The following PANK2 variants were observed in gnomAD, a reference collection of about 807,000 sequenced individuals.
The protein encoded by PANK2 is pantothenate kinase 2, also known as pantothenate kinase 2, mitochondrial.
A neutral mutation model predicts 43.1 loss-of-function variants in PANK2; 36 were observed. The ratio of observed to expected loss-of-function variants is 0.84; its 90% confidence interval spans 0.64 to 1.10. The LOEUF is 1.10. Ranked by LOEUF, PANK2 falls within the 50% of genes least tolerant of loss-of-function variation. The pLI, the probability that PANK2 is intolerant of heterozygous loss-of-function variation, is 0.00. For missense variants in PANK2, 576 were observed against 593.3 expected (o/e 0.97, Z 0.30); for synonymous variants, 281 against 238.2 (o/e 1.18, Z -1.66).
intron 6 of PANK2, chr20:3,921,404 C>T (rs942966868): frequency 6.6e-6 from 1 of 152,114 alleles, no homozygotes; most frequent in Non-Finnish European, 1.5e-5. Flanking sequence ...ATCCTTTATT[C>T]TCATCTTAGC....
intron 1 of PANK2, among the ~76,000 whole-genome samples, chr20:3,902,051 A>C (rs146596959): frequency 1.3e-5 from 2 of 151,840 alleles, no homozygotes; most frequent in Non-Finnish European, 2.9e-5. Flanking sequence ...ACCGATAAAC[A>C]CTGTTCAGCC....
rs1684993927 is a variant in PANK2, at chr20:3,927,121, CTT to C, written c.*3828_*3829del. On this transcript the variant is annotated 3_prime_UTR_variant, in exon 7 of 7. Transcript: ENST00000610179. Reference sequence around the variant, plus strand: ...TCTGGCTGTGGTGGCCTGACACACTCTTCACCACTGACCCCACCCCCGCTTGC... The same window carrying C: ...TCTGGCTGTGGTGGCCTGACACACTCCACCACTGACCCCACCCCCGCTTGC... Among the ~76,000 whole-genome samples the C allele has an allele frequency of 6.6e-6, 1 of 152,046 alleles. No individual in the cohort carries two copies. The highest frequency in any genetic ancestry group is 2.4e-5 in the African/African-American group (1 of 41,390).
At position 3,928,872 on chromosome 20, in the gene PANK2, A is replaced by G. The variant is rs1053177160; in HGVS notation, c.*5578A>G. ...TTCTTTTCTTGTGTGTTTTTTTGAGACGGAGTCTCGCTCTGTTGCCCAGGC... is the reference window on the plus strand; with the variant it reads ...TTCTTTTCTTGTGTGTTTTTTTGAGGCGGAGTCTCGCTCTGTTGCCCAGGC... On this transcript the variant is annotated 3_prime_UTR_variant, in exon 7 of 7. Transcript: ENST00000610179. 1 of 148,940 alleles carries G rather than the reference A, an allele frequency of 6.7e-6. No individual in the cohort carries two copies. Among genetic ancestry groups the G allele is most frequent in the Non-Finnish European group, 1.5e-5 (1 of 67,370 alleles). The allele number at this position is 148,940 out of a possible 1,614,324, so 9.2% of individuals were successfully genotyped here.
chr20:3,894,504 T>TG (rs1423591535), intron 1 of PANK2, among the ~76,000 whole-genome samples: 2 of 152,110 alleles, frequency 1.3e-5, no homozygotes, highest in Non-Finnish European at 2.9e-5. Flanking sequence ...CCTCCCAAAG[T>TG]GCTGGGATTA....
Position 3,919,886 on chromosome 20 carries a change from GTTAC to G in PANK2, c.1332+1093_1332+1096del, listed in dbSNP as rs1290452220. On this transcript the variant is annotated intron_variant, in intron 6 of 6. Coordinates refer to ENST00000610179, the MANE Select transcript of PANK2 (RefSeq NM_001386393.1). ...GCTAGAGATTACTTTTTCCTTTAAA[GTTAC>G]TTTAAGTTTTTCTTTTTAAATTGCT... is the stretch of plus-strand genomic sequence containing the variant. Among the ~76,000 whole-genome samples, 5 of 152,292 alleles carry G rather than the reference GTTAC, an allele frequency of 3.3e-5. No homozygotes were observed. In the East Asian group the frequency reaches 9.6e-4, roughly 29 times the overall value.
At chr20:3,903,466 C>CTTTTTTTTTTTTTTTTTT (rs1258746977) in intron 1 of PANK2, among the ~76,000 whole-genome samples, 1 of 117,486 alleles carries the variant, frequency 8.5e-6, no homozygotes. Flanking sequence ...TCTTCTTTTC[C>CTTTTTTTTTTTTTTTTTT]TTTTTTTTTT....
Position 3,908,245 on chromosome 20 carries a change from T to C in PANK2, c.618T>C (p.Gly206=). ...ACACTGTCTTTTGTGCCACTGGAGG[T>C]GGAGCGTACAAATTTGAGCAGGATT... The change falls in exon 2 of 7, where the codon GGT becomes GGC. Residue 206 remains glycine (G), a synonymous_variant. Transcript: ENST00000610179. 2 of 1,611,158 alleles carry C rather than the reference T, an allele frequency of 1.2e-6. No individual in the cohort carries two copies. Among genetic ancestry groups the C allele is most frequent in the Non-Finnish European group, 1.7e-6 (2 of 1,179,938 alleles).
chr20:3,918,822 T>C (rs1443827201), intron 6 of PANK2, 26 bp downstream of exon 6: 12 of 1,614,070 alleles, frequency 7.4e-6, no homozygotes, highest in South Asian at 1.1e-5. Context: ...CGTTGTGGTA[T>C]ATTATGTACA....
At chr20:3,892,577 T>C (rs1568554115) in intron 1 of PANK2, among the ~76,000 whole-genome samples, 2 of 147,368 alleles carry the variant, frequency 1.4e-5, no homozygotes, top group African/African-American at 5.0e-5. Context: ...CTCGGGAGGC[T>C]GAGGCAGATA....
intron 1 of PANK2, among the ~76,000 whole-genome samples, chr20:3,905,028 A>G (rs777467010): frequency 2.0e-5 from 3 of 152,202 alleles, no homozygotes; most frequent in Non-Finnish European, 2.9e-5. Flanking sequence ...CCTGAGTGCC[A>G]TCCTGATTCT....
chr20:3,897,761 C>T (rs1383850784), intron 1 of PANK2, among the ~76,000 whole-genome samples: 1 of 152,054 alleles, frequency 6.6e-6, no homozygotes, highest in Admixed American at 6.6e-5. Flanking sequence ...AATCCTAGCA[C>T]TTTGGGAGGC....
At chr20:3,916,650 T>C (rs1048751210) in intron 4 of PANK2, among the ~76,000 whole-genome samples, 4 of 152,148 alleles carry the variant, frequency 2.6e-5, no homozygotes, top group Admixed American at 6.6e-5. Flanking sequence ...TTCCAGTGCA[T>C]CTGATGAGAT....
intron 1 of PANK2, among the ~76,000 whole-genome samples, chr20:3,892,647 G>A (rs2090142659): frequency 7.3e-6 from 1 of 137,598 alleles, no homozygotes; most frequent in Non-Finnish European, 1.5e-5. Context: ...CTGCACTCCA[G>A]CCTGGGCGAC....
chr20:3,904,721 A>G (rs1436951623), intron 1 of PANK2, among the ~76,000 whole-genome samples: 1 of 152,124 alleles, frequency 6.6e-6, no homozygotes, highest in African/African-American at 2.4e-5. Flanking sequence ...ATTTTTCTCT[A>G]TGGTAGCTTT....
chr20:3,916,980 T>C lies in PANK2; in HGVS notation c.1136T>C (p.Leu379Pro). The C allele has an allele frequency of 6.2e-7, 1 of 1,614,118 alleles. No individual in the cohort carries two copies. ...CGAGAGGCTGTCAGTAAAGAGGACCTGGCCAGAGCGACTTTGATCACCATC... is the reference window on the plus strand; with the variant it reads ...CGAGAGGCTGTCAGTAAAGAGGACCCGGCCAGAGCGACTTTGATCACCATC... Residue 379 changes from leucine (L) to proline (P), a missense_variant, in exon 5 of 7, where the codon CTG (leucine) becomes CCG (proline). Physicochemically the swap from Leu to Pro is moderately conservative, Grantham distance 98. Coordinates refer to ENST00000610179, the MANE Select transcript of PANK2 (RefSeq NM_001386393.1).
In PANK2 at chr20:3,907,960, T is replaced by G; in HGVS notation, c.333T>G (p.Thr111=). The change falls in exon 2 of 7, where the codon ACT becomes ACG. Residue 111 remains threonine, a synonymous_variant. Coordinates refer to ENST00000610179, the MANE Select transcript of PANK2 (RefSeq NM_001386393.1). ...GGTTTGGACTGGATATCGGTGGAAC[T>G]CTGGTCAAGCTGGTATATTTTGAAC... 2.5e-6 allele frequency: 4 copies of G among 1,614,218 alleles called. No individual in the cohort carries two copies. Among genetic ancestry groups the G allele is most frequent in the Non-Finnish European group, 3.4e-6 (4 of 1,180,044 alleles).
intron 3 of PANK2, among the ~76,000 whole-genome samples, chr20:3,911,248 A>G (rs1379200021): frequency 6.6e-6 from 1 of 152,198 alleles, no homozygotes; most frequent in African/African-American, 2.4e-5. Flanking sequence ...AGAAGTTGAT[A>G]TGTACTGATC....
intron 5 of PANK2, among the ~76,000 whole-genome samples, chr20:3,917,809 C>T (rs2090586133): frequency 6.6e-6 from 1 of 152,100 alleles, no homozygotes; most frequent in Admixed American, 6.6e-5. Context: ...GTTGGAATAT[C>T]ATAACTTCTT....
In PANK2 at chr20:3,889,685, G is replaced by A. The variant is rs375741383; in HGVS notation, c.255G>A (p.Ser85=). 1.9e-5 allele frequency: 31 copies of A among 1,594,308 alleles called. No homozygotes were observed. The highest frequency in any genetic ancestry group is 2.5e-5 in the Non-Finnish European group (30 of 1,178,430). ...TGGGCTCTTACAGCGGCCCCACCTC[G>A]GTCTCCCGCCAGCGCGTCGAAAGCC... The change falls in exon 1 of 7, where the codon TCG becomes TCA. Residue 85 remains serine (S), a synonymous_variant. Transcript: ENST00000610179.
Sources: gnomAD v4.1 joint callset for allele counts (sites outside exome capture counted in the v4.1 genomes callset) on GRCh38, gnomAD v4.1.1 for gene constraint, MANE v1.5 for transcripts, NCBI Gene and HGNC (gene_info 2026-07-23, HGNC 2026-07-21) for gene names.